The following LRP11 variants were observed in gnomAD, a reference collection of about 807,000 sequenced individuals.
LRP11 encodes LDL receptor related protein 11, also known as low-density lipoprotein receptor-related protein 11.
In LRP11, 25 loss-of-function variants were observed where a neutral mutation model predicts 43.1. The observed-to-expected ratio is 0.58, with a 90% confidence interval of 0.42 to 0.81. LRP11 has a LOEUF of 0.81. Among genes scored for constraint, LRP11 ranks in the 30% least tolerant of loss-of-function variants. The probability of loss-of-function intolerance (pLI) is 0.00; values close to 1 mark genes in which losing one functional copy is unlikely to be tolerated. For missense variants in LRP11, 623 were observed against 665.1 expected (o/e 0.94, Z 0.70); for synonymous variants, 316 against 299.4 (o/e 1.06, Z -0.57).
chr6:149,858,686 T>C (rs915005309), intron 1 of LRP11, among the ~76,000 whole-genome samples: 2 of 152,340 alleles, frequency 1.3e-5, no homozygotes, highest in South Asian at 2.1e-4. Flanking sequence ...CATCAACTTA[T>C]TGGTATATTC....
At chr6:149,848,711 A>G (rs1445829442) in intron 2 of LRP11, among the ~76,000 whole-genome samples, 3 of 152,170 alleles carry the variant, frequency 2.0e-5, no homozygotes, top group African/African-American at 7.2e-5. Flanking sequence ...GAACAGCACA[A>G]CGCTGGGACC....
intron 6 of LRP11, among the ~76,000 whole-genome samples, chr6:149,821,336 G>T (rs570887188): frequency 6.6e-6 from 1 of 152,232 alleles, no homozygotes; most frequent in African/African-American, 2.4e-5. Flanking sequence ...AACTGAAATA[G>T]GCATTCTGAT....
intron 6 of LRP11, 171 bp downstream of exon 6, chr6:149,826,093 A>G: frequency 1.6e-6 from 1 of 625,144 alleles, no homozygotes; most frequent in South Asian, 2.0e-5. Flanking sequence ...GGTTACTATC[A>G]GGAGCCCCAA....
In LRP11 at chr6:149,819,532, G is replaced by A. The variant is rs1026685296; in HGVS notation, c.*1017C>T. On this transcript the variant is annotated 3_prime_UTR_variant, in exon 7 of 7. Coordinates refer to ENST00000239367, the MANE Select transcript of LRP11 (RefSeq NM_032832.6). Reference sequence around the variant, plus strand: ...AAACTGCTTTATGGTCTAGAAATACGTAAGCCTGGCATTAGCTGATGGCAC... The same window carrying A: ...AAACTGCTTTATGGTCTAGAAATACATAAGCCTGGCATTAGCTGATGGCAC... The A allele has an allele frequency of 1.3e-5, 2 of 152,548 alleles. No individual in the cohort carries two copies. Among genetic ancestry groups the A allele is most frequent in the African/African-American group, 2.4e-5 (1 of 41,438 alleles). The allele number at this position is 152,548 out of a possible 1,614,324, so 9.4% of individuals were successfully genotyped here.
intron 1 of LRP11, among the ~76,000 whole-genome samples, chr6:149,857,406 T>G (rs925265205): frequency 5.9e-5 from 9 of 151,664 alleles, no homozygotes; most frequent in African/African-American, 2.2e-4. Flanking sequence ...CACATGCCTA[T>G]AGTCCCAGTT....
At chr6:149,822,501 TA>T (rs35135120) in intron 6 of LRP11, among the ~76,000 whole-genome samples, 362 of 143,658 alleles carry the variant, frequency 2.5e-3, no homozygotes, top group South Asian at 3.1e-3. Flanking sequence ...GATCCTGTCT[TA>T]AAAAAAAAAA....
chr6:149,821,732 A>G (rs1425103310), intron 6 of LRP11, among the ~76,000 whole-genome samples: 2 of 152,188 alleles, frequency 1.3e-5, no homozygotes, highest in Non-Finnish European at 2.9e-5. Flanking sequence ...TGGAGATTAT[A>G]TGGTGGAACT....
rs533222880 is a variant in LRP11 at position 149,838,170 on chromosome 6, C to T, written c.914-707G>A. 3.1e-4 allele frequency among the ~76,000 whole-genome samples: 47 copies of T among 151,924 alleles called. No homozygotes were observed. The South Asian group carries it at 7.5e-3, about 24-fold the overall frequency. ...CTGACCTCAACTGATCCACCTGCCT[C>T]GGCCTCCCAAAGTGCTGGGATTACA... On this transcript the variant is annotated intron_variant, in intron 3 of 6. Transcript: ENST00000239367.
chr6:149,843,634 G>A (rs952412224), intron 2 of LRP11, among the ~76,000 whole-genome samples: 17 of 151,940 alleles, frequency 1.1e-4, no homozygotes, highest in African/African-American at 3.9e-4. Context: ...CTGACACATC[G>A]ACTCATTTCT....
intron 1 of LRP11, among the ~76,000 whole-genome samples, chr6:149,859,396 A>ATATATATATATATTTTTTTTTTTTTT: frequency 1.4e-5 from 1 of 71,496 alleles, no homozygotes; most frequent in African/African-American, 8.2e-5. Flanking sequence ...ATATATATAT[A>ATATATATATATATTTTTTTTTTTTTT]TTTTTTTTTT....
At chr6:149,833,584 C>T (rs572727285) in intron 5 of LRP11, among the ~76,000 whole-genome samples, 20 of 152,092 alleles carry the variant, frequency 1.3e-4, no homozygotes, top group African/African-American at 3.1e-4. Flanking sequence ...GAAGAAAATG[C>T]GACAAAATTT....
At chr6:149,839,187 G>T (rs549530596) in intron 3 of LRP11, among the ~76,000 whole-genome samples, 1 of 151,750 alleles carries the variant, frequency 6.6e-6, no homozygotes, top group African/African-American at 2.4e-5. Flanking sequence ...AAGCCACTGC[G>T]CCCGGCCTTG....
At chr6:149,830,438 T>C (rs1776394817) in intron 5 of LRP11, among the ~76,000 whole-genome samples, 1 of 152,222 alleles carries the variant, frequency 6.6e-6, no homozygotes, top group South Asian at 2.1e-4. Context: ...TGAACCATAC[T>C]GCTCTCAAGG....
chr6:149,844,701 T>C (rs1776605506), intron 2 of LRP11, among the ~76,000 whole-genome samples: 1 of 152,244 alleles, frequency 6.6e-6, no homozygotes, highest in African/African-American at 2.4e-5. Flanking sequence ...GCGTTAATAA[T>C]GGACTTTGGA....
rs773941611 is a variant in LRP11, at chr6:149,863,748, G to A, written c.273C>T (p.Gly91=). Residue 91 remains glycine, a synonymous_variant, in exon 1 of 7, where the codon GGC becomes GGT. Coordinates refer to ENST00000239367, the MANE Select transcript of LRP11 (RefSeq NM_032832.6). ...TTGCGCTGTAGCCGCCGCTGCCCGGGCCCGGGCAGTCCTCCTGGGGGCCGC... is the reference window on the plus strand; with the variant it reads ...TTGCGCTGTAGCCGCCGCTGCCCGGACCCGGGCAGTCCTCCTGGGGGCCGC... The part of the protein sequence containing the change: ...AGGGPQEDCP[G]PGSGGYSAMP... 1.6e-5 allele frequency: 23 copies of A among 1,479,798 alleles called. No homozygotes were observed. Among genetic ancestry groups the A allele is most frequent in the African/African-American group, 4.4e-5 (3 of 68,270 alleles). 91.7% of individuals were successfully genotyped at this position (1,479,798 alleles called of 1,614,324 possible).
chr6:149,860,586 C>G (rs545543870), intron 1 of LRP11, among the ~76,000 whole-genome samples: 1 of 152,268 alleles, frequency 6.6e-6, no homozygotes, highest in South Asian at 2.1e-4. Context: ...GGAGGACAAG[C>G]AGACACCAAG....
intron 1 of LRP11, among the ~76,000 whole-genome samples, chr6:149,854,344 T>C (rs1776767376): frequency 1.3e-5 from 2 of 152,150 alleles, no homozygotes; most frequent in Non-Finnish European, 2.9e-5. Flanking sequence ...TGACCTCAAG[T>C]GATCCTCCCA....
chr6:149,853,024 C>A lies in LRP11; in HGVS notation c.750G>T (p.Gly250=), dbSNP rs1776745125. The change falls in exon 2 of 7, where the codon GGG becomes GGT. Residue 250 remains glycine, a synonymous_variant. Transcript: ENST00000239367. ...IVQYEWALLQ[G]DPSVDMKVPQ... is the part of the protein sequence containing the mutation. ...TTACCTTCATGTCCACTGACGGGTC[C>A]CCCTGCAGCAGTGCCCACTCATACT... 6.2e-7 allele frequency: 1 copy of A among 1,601,278 alleles called. No individual in the cohort carries two copies. Among genetic ancestry groups the A allele is most frequent in the Non-Finnish European group, 8.5e-7 (1 of 1,174,872 alleles).
At chr6:149,862,926 T>C (rs1486129798) in intron 1 of LRP11, among the ~76,000 whole-genome samples, 1 of 152,110 alleles carries the variant, frequency 6.6e-6, no homozygotes, top group African/African-American at 2.4e-5. Context: ...TCTTTTCACT[T>C]TTTATAAAAG....
Sources: allele counts gnomAD v4.1 joint callset (sites outside exome capture counted in the v4.1 genomes callset), GRCh38; gene constraint gnomAD v4.1.1; transcripts MANE v1.5; gene names NCBI Gene and HGNC (gene_info 2026-07-23, HGNC 2026-07-21).